The following EHMT1 variants were observed in gnomAD, a reference collection of about 807,000 sequenced individuals.
The protein encoded by EHMT1 is histone-lysine N-methyltransferase EHMT1.
In EHMT1, 15 loss-of-function variants were observed where a neutral mutation model predicts 147.2. That is an observed-to-expected ratio of 0.10 (90% CI 0.07 to 0.16). EHMT1 has a LOEUF of 0.16. EHMT1 is among the 10% of genes least tolerant of loss of function. The pLI, the probability that EHMT1 is intolerant of heterozygous loss-of-function variation, is 1.00. For synonymous variants in EHMT1, 795 were observed against 709.6 expected, an observed-to-expected ratio of 1.12 and a Z score of -1.91; for missense variants, 1,587 against 1,772.4, an observed-to-expected ratio of 0.90 and a Z score of 1.88.
intron 1 of EHMT1, among the ~76,000 whole-genome samples, chr9:137,649,192 C>T (rs1312811343): frequency 6.6e-6 from 1 of 151,814 alleles, no homozygotes; most frequent in African/African-American, 2.4e-5. Context: ...GCCTGTAATC[C>T]CAGCACTTTG....
intron 1 of EHMT1, among the ~76,000 whole-genome samples, chr9:137,635,586 C>A (rs184081337): frequency 1.3e-5 from 2 of 151,088 alleles, no homozygotes; most frequent in Non-Finnish European, 2.9e-5. Context: ...TTTGGGAGGC[C>A]GAGGTGGGTG....
At chr9:137,812,315 G>A (rs917860719) in intron 19 of EHMT1, among the ~76,000 whole-genome samples, 1 of 152,194 alleles carries the variant, frequency 6.6e-6, no homozygotes, top group Non-Finnish European at 1.5e-5. Context: ...CTCCAACCTG[G>A]GCGACAGAGT....
At position 137,732,195 on chromosome 9, in the gene EHMT1, A is replaced by G. The variant is rs1378876026; in HGVS notation, c.823+3666A>G. Among the ~76,000 whole-genome samples, 5 of 152,366 alleles carry G rather than the reference A, an allele frequency of 3.3e-5. No individual in the cohort carries two copies. The highest frequency in any genetic ancestry group is 4.8e-5 in the African/African-American group (2 of 41,596). On this transcript the variant is annotated intron_variant, in intron 4 of 26. Coordinates refer to ENST00000460843, the MANE Select transcript of EHMT1 (RefSeq NM_024757.5). This position sits in a 1 kb window ranked among gnomAD's most constrained non-coding sequence, Gnocchi z 4.6. ...GACACCAGCGGAGGGCAGGAGGGCT[A>G]CAGTGTTACAGCTCTGGCTTGAGGA...
chr9:137,679,675 T>C (rs142266126), intron 1 of EHMT1, among the ~76,000 whole-genome samples: 1 of 152,362 alleles, frequency 6.6e-6, no homozygotes, highest in East Asian at 1.9e-4. Flanking sequence ...TGTAGTTCTT[T>C]CCTTATAGAG....
At chr9:137,801,847 G>T (rs1953519044) in intron 18 of EHMT1, among the ~76,000 whole-genome samples, 2 of 152,066 alleles carry the variant, frequency 1.3e-5, no homozygotes, top group African/African-American at 4.8e-5. Flanking sequence ...TGGCCAGGCT[G>T]GTCTTGAACT....
At chr9:137,694,105 G>A (rs1431987487) in intron 1 of EHMT1, among the ~76,000 whole-genome samples, 3 of 67,176 alleles carry the variant, frequency 4.5e-5, no homozygotes, top group South Asian at 6.8e-4. Flanking sequence ...GGCTCAGGAC[G>A]CTGGCCGATA....
At chr9:137,773,126 T>C (rs1490577924) in intron 10 of EHMT1, among the ~76,000 whole-genome samples, 1 of 152,248 alleles carries the variant, frequency 6.6e-6, no homozygotes, top group African/African-American at 2.4e-5. Flanking sequence ...TCACTTCTTA[T>C]TCCAAAACTG....
intron 1 of EHMT1, among the ~76,000 whole-genome samples, chr9:137,622,520 C>T (rs1414798355): frequency 1.3e-5 from 2 of 152,168 alleles, no homozygotes; most frequent in African/African-American, 4.8e-5. Context: ...TGTCTTTATT[C>T]ACCAACTTTA....
intron 1 of EHMT1, among the ~76,000 whole-genome samples, chr9:137,628,191 C>A (rs1002414826): frequency 7.2e-5 from 11 of 152,202 alleles, no homozygotes; most frequent in African/African-American, 9.6e-5. Flanking sequence ...TTTCTGGGGT[C>A]AGTCTGCCAG....
In EHMT1 at chr9:137,777,998, C is replaced by T. The variant is rs1447298542; in HGVS notation, c.2135C>T (p.Ser712Phe). The T allele has an allele frequency of 6.2e-7, 1 of 1,613,866 alleles. No homozygotes were observed. The highest frequency in any genetic ancestry group is 1.1e-5 in the South Asian group (1 of 91,050). Residue 712 changes from serine to phenylalanine, a missense_variant, in exon 13 of 27, where the codon TCC (serine) becomes TTC (phenylalanine). Around this residue, in one of 7 missense-constraint regions of EHMT1, gnomAD observed 77 missense variants for 79.3 expected, o/e 0.97. Coordinates refer to ENST00000460843, the MANE Select transcript of EHMT1 (RefSeq NM_024757.5). ...AGLGRPTPGL[S>F]QGPGKETLES... Reference sequence around the variant, plus strand: ...CTTGGGAGGCCAACTCCCGGCCTTTCCCAGGGACCAGGGAAGGAAACCTTG... The same window carrying T: ...CTTGGGAGGCCAACTCCCGGCCTTTTCCAGGGACCAGGGAAGGAAACCTTG...
At chr9:137,798,361 C>T (rs1214665525) in intron 16 of EHMT1, among the ~76,000 whole-genome samples, 7 of 152,016 alleles carry the variant, frequency 4.6e-5, no homozygotes, top group Admixed American at 3.3e-4. Context: ...GTGATCGCAC[C>T]ACTGCACTCC....
chr9:137,723,210 A>G (rs111483361), intron 3 of EHMT1, among the ~76,000 whole-genome samples: 1 of 69,280 alleles, frequency 1.4e-5, no homozygotes, highest in Admixed American at 1.5e-4. Flanking sequence ...TCTGGGCCTG[A>G]GCCCGGGGTG....
chr9:137,715,819 A>C, intron 2 of EHMT1: 1 of 985,346 alleles, frequency 1.0e-6, no homozygotes, highest in Non-Finnish European at 1.2e-6. Flanking sequence ...CCTCTTCTGA[A>C]GCCTTGTTTT....
intron 2 of EHMT1, 102 bp downstream of exon 2, chr9:137,711,132 T>C (rs1430190795): frequency 6.3e-6 from 8 of 1,265,712 alleles, no homozygotes; most frequent in Admixed American, 4.4e-5. Flanking sequence ...TGACTTTCTT[T>C]GCTTCACCTA....
chr9:137,802,891 G>A lies in EHMT1; in HGVS notation c.2712+1907G>A, dbSNP rs570075797. ...ACCATGAAGAGAGGAGCCCTGAGCC[G>A]GCAGAAGGAAGAGAAGAGGGAAGCA... On this transcript the variant is annotated intron_variant, in intron 18 of 26. Transcript: ENST00000460843. 2.9e-5 allele frequency: 36 copies of A among 1,232,336 alleles called. No homozygotes were observed. In the African/African-American group the frequency reaches 4.0e-4, roughly 14 times the overall value. 76.3% of individuals were successfully genotyped at this position (1,232,336 alleles called of 1,614,324 possible).
intron 4 of EHMT1, chr9:137,742,954 G>A: frequency 3.5e-6 from 1 of 286,466 alleles, no homozygotes; most frequent in Non-Finnish European, 6.7e-6. Flanking sequence ...CGTCCTCCCT[G>A]CTGCACATGC....
chr9:137,812,783 C>T (rs1441807513), intron 19 of EHMT1, among the ~76,000 whole-genome samples: 2 of 152,238 alleles, frequency 1.3e-5, no homozygotes, highest in African/African-American at 4.8e-5. Context: ...AAACAGCCTG[C>T]TGACTTTGAC....
At chr9:137,621,626 GA>G (rs933145768) in intron 1 of EHMT1, among the ~76,000 whole-genome samples, 19 of 151,582 alleles carry the variant, frequency 1.3e-4, no homozygotes, top group Non-Finnish European at 2.2e-4. Flanking sequence ...AAAAAAAAAA[GA>G]AAAAAAACTA....
intron 18 of EHMT1, chr9:137,803,452 C>T: frequency 3.2e-6 from 1 of 316,774 alleles, no homozygotes; most frequent in Non-Finnish European, 4.6e-6. Context: ...AAAGGGCTCT[C>T]ACCATGGGCA....
Sources: gnomAD v4.1 joint callset for allele counts (sites outside exome capture counted in the v4.1 genomes callset) on GRCh38, gnomAD v4.1.1 for gene constraint, gnomAD v4.1.1 regional missense constraint, Gnocchi (gnomAD v3.1) non-coding constraint, MANE v1.5 for transcripts, NCBI Gene and HGNC (gene_info 2026-07-23, HGNC 2026-07-21) for gene names.